The following PRELID2 variants were observed in gnomAD, a reference collection of about 807,000 sequenced individuals.
PRELID2 encodes PRELI domain containing 2.
PRELID2 carries 25 observed loss-of-function variants against 28.4 expected under a neutral mutation model. The observed-to-expected ratio is 0.88, with a 90% CI of 0.64 to 1.23. PRELID2 has a LOEUF of 1.23. PRELID2 is among the 50% of genes most tolerant of loss of function. The pLI is 0.00. For synonymous variants in PRELID2, 76 were observed against 71.6 expected (o/e 1.06, Z -0.31); for missense variants, 201 against 214.4 (o/e 0.94, Z 0.39).
intron 1 of PRELID2, among the ~76,000 whole-genome samples, chr5:145,534,985 C>A (rs1324241582): frequency 6.6e-6 from 1 of 151,926 alleles, no homozygotes; most frequent in Non-Finnish European, 1.5e-5. Context: ...ATTTGTCTGA[C>A]AGAGCCCTTG....
the PRELID2 span, among the ~76,000 whole-genome samples, chr5:145,411,712 G>T: frequency 2.0e-5 from 3 of 152,144 alleles, no homozygotes; most frequent in African/African-American, 7.2e-5. Flanking sequence ...CTCTGTGTGG[G>T]GGCTCTAATC....
At chr5:145,605,943 T>G (rs1341102895) in intron 1 of PRELID2, among the ~76,000 whole-genome samples, 4 of 152,108 alleles carry the variant, frequency 2.6e-5, no homozygotes. Flanking sequence ...CTGATTTATT[T>G]CAGCAGATTT....
intron 1 of PRELID2, among the ~76,000 whole-genome samples, chr5:145,746,147 T>C (rs1393219774): frequency 6.6e-6 from 1 of 152,052 alleles, no homozygotes; most frequent in Non-Finnish European, 1.5e-5. Flanking sequence ...GATGACCAGA[T>C]CAAATTCATA....
the PRELID2 span, among the ~76,000 whole-genome samples, chr5:145,425,355 C>T: frequency 6.6e-6 from 1 of 152,292 alleles, no homozygotes; most frequent in East Asian, 1.9e-4. Flanking sequence ...GGTGATTCCT[C>T]AAAGAGCTAG....
the PRELID2 span, among the ~76,000 whole-genome samples, chr5:145,391,306 C>T: frequency 6.6e-6 from 1 of 152,234 alleles, no homozygotes; most frequent in African/African-American, 2.4e-5. Context: ...GACTTCTGTG[C>T]ACCCACAAGC....
At chr5:145,286,304 A>T in the PRELID2 span, among the ~76,000 whole-genome samples, 30 of 152,120 alleles carry the variant, frequency 2.0e-4, no homozygotes, top group African/African-American at 7.2e-4. Flanking sequence ...ACTACTTACC[A>T]CTATGCTTGT....
chr5:145,512,119 A>C (rs1033562692), intron 1 of PRELID2, among the ~76,000 whole-genome samples: 12 of 152,130 alleles, frequency 7.9e-5, no homozygotes, highest in Non-Finnish European at 1.6e-4. Flanking sequence ...AGAAGGAATA[A>C]ATTTTGTAGA....
chr5:145,586,580 C>T (rs1482320248), intron 1 of PRELID2, among the ~76,000 whole-genome samples: 1 of 152,160 alleles, frequency 6.6e-6, no homozygotes, highest in African/African-American at 2.4e-5. Context: ...GTTTTAATCA[C>T]ATACCAGCTC....
At chr5:145,447,318 T>G in the PRELID2 span, among the ~76,000 whole-genome samples, 1 of 151,890 alleles carries the variant, frequency 6.6e-6, no homozygotes, top group Admixed American at 6.6e-5. Context: ...CCAGGATATA[T>G]GAATAATGGC....
chr5:145,600,434 A>AATATATATATATATATATATATATAT (rs1299956414), intron 1 of PRELID2, among the ~76,000 whole-genome samples: 1 of 120,116 alleles, frequency 8.3e-6, no homozygotes, highest in African/African-American at 4.1e-5. Flanking sequence ...AAAAAAAAAA[A>AATATATATATATATATATATATATAT]ATATATATAT....
At chr5:145,497,782 A>G (rs1272014477) in intron 1 of PRELID2, among the ~76,000 whole-genome samples, 1 of 152,230 alleles carries the variant, frequency 6.6e-6, no homozygotes, top group Non-Finnish European at 1.5e-5. Flanking sequence ...AGTTAATGAA[A>G]AAAAGGTTAG....
chr5:145,314,506 G>A, the PRELID2 span, among the ~76,000 whole-genome samples: 1 of 151,820 alleles, frequency 6.6e-6, no homozygotes, highest in Non-Finnish European at 1.5e-5. Flanking sequence ...ATAATAGTGT[G>A]GAAAATTTTT....
At chr5:145,300,011 A>C in the PRELID2 span, among the ~76,000 whole-genome samples, 291 of 152,232 alleles carry the variant, frequency 1.9e-3, 1 homozygote, top group Admixed American at 4.5e-3. Flanking sequence ...TTATGAACTC[A>C]AGATTTAAAT....
At chr5:145,269,196 C>CA in the PRELID2 span, among the ~76,000 whole-genome samples, 1 of 151,846 alleles carries the variant, frequency 6.6e-6, no homozygotes, top group African/African-American at 2.4e-5. Flanking sequence ...TGTGAAAATG[C>CA]AAAAAACTAT....
At chr5:145,794,135 A>G (rs1332230616) in intron 5 of PRELID2, among the ~76,000 whole-genome samples, 1 of 152,222 alleles carries the variant, frequency 6.6e-6, no homozygotes, top group East Asian at 1.9e-4. Flanking sequence ...CCCATGTCCC[A>G]TTATATAGCC....
chr5:145,571,790 G>A (rs1289758794), intron 1 of PRELID2, among the ~76,000 whole-genome samples: 1 of 152,032 alleles, frequency 6.6e-6, no homozygotes, highest in African/African-American at 2.4e-5. Context: ...GACCACCCTG[G>A]CTAACACGGT....
At chr5:145,669,405 G>A (rs3902854) in intron 1 of PRELID2, among the ~76,000 whole-genome samples, 1 of 151,946 alleles carries the variant, frequency 6.6e-6, no homozygotes, top group Non-Finnish European at 1.5e-5. Flanking sequence ...ATAAACCAGG[G>A]GTCTTTATCC....
chr5:145,349,080 T>C, the PRELID2 span, among the ~76,000 whole-genome samples: 1 of 152,134 alleles, frequency 6.6e-6, no homozygotes, highest in Non-Finnish European at 1.5e-5. Context: ...TTGACCTATG[T>C]CTTTGTGAAC....
At position 145,758,578 on chromosome 5, in the gene PRELID2, G is replaced by A. The variant is rs1411414266; in HGVS notation, c.*1958C>T. ...GAGAACTCCTGCCTTCAGAGGATGG[G>A]AGTTTTTGAGTGTGAAGGGTTAAAC... is the stretch of plus-strand genomic sequence containing the variant. On this transcript the variant is annotated 3_prime_UTR_variant, in exon 7 of 7. Coordinates refer to ENST00000683046, the MANE Select transcript of PRELID2 (RefSeq NM_205846.3). Among the ~76,000 whole-genome samples, 2 of 152,110 alleles carry A rather than the reference G, an allele frequency of 1.3e-5. No homozygotes were observed. The highest frequency in any genetic ancestry group is 2.9e-5 in the Non-Finnish European group (2 of 68,028).
Sources: allele counts gnomAD v4.1 joint callset (sites outside exome capture counted in the v4.1 genomes callset), GRCh38; gene constraint gnomAD v4.1.1; transcripts MANE v1.5; gene names NCBI Gene and HGNC (gene_info 2026-07-23, HGNC 2026-07-21).